ABI2: variants seen among roughly 807,000 people sequenced by gnomAD.
ABI2 encodes abelson interactor 2.
ABI2 carries 25 observed loss-of-function variants against 59.2 expected under a neutral mutation model. The observed-to-expected ratio is 0.42, with a 90% CI of 0.31 to 0.59. The LOEUF (loss-of-function observed/expected upper bound fraction) is 0.59, where lower values mean the gene tolerates loss of function less well. Ranked by LOEUF, ABI2 falls within the 20% of genes least tolerant of loss-of-function variation. The pLI, the probability that ABI2 is intolerant of heterozygous loss-of-function variation, is 0.14. For synonymous variants in ABI2, 213 were observed against 235.5 expected (o/e 0.90, Z 0.87); for missense variants, 545 against 681.8 (o/e 0.80, Z 2.23).
intron 4 of ABI2, among the ~76,000 whole-genome samples, chr2:203,387,043 G>A (rs2096554965): frequency 7.1e-6 from 1 of 141,776 alleles, no homozygotes; most frequent in Non-Finnish European, 1.5e-5. Context: ...TTTTTTCCCC[G>A]CAGGCTCCCT....
At chr2:203,360,464 A>G (rs2093328516) in intron 1 of ABI2, among the ~76,000 whole-genome samples, 1 of 152,076 alleles carries the variant, frequency 6.6e-6, no homozygotes, top group South Asian at 2.1e-4. Context: ...AAGGGAAACA[A>G]ATTTGGTGGT....
chr2:203,377,361 G>A (rs1368492822), intron 2 of ABI2, among the ~76,000 whole-genome samples: 1 of 152,060 alleles, frequency 6.6e-6, no homozygotes, highest in Non-Finnish European at 1.5e-5. Context: ...GAAGCTATAA[G>A]CTTGTAATTC....
intron 1 of ABI2, among the ~76,000 whole-genome samples, chr2:203,359,925 G>C (rs1230091870): frequency 6.6e-6 from 1 of 152,124 alleles, no homozygotes; most frequent in African/African-American, 2.4e-5. Context: ...GGTGGTTCAT[G>C]CCTGTAATCC....
chr2:203,345,798 G>A (rs992844156), intron 1 of ABI2, among the ~76,000 whole-genome samples: 9 of 151,770 alleles, frequency 5.9e-5, no homozygotes, highest in Admixed American at 3.9e-4. Flanking sequence ...CACTGGCCTC[G>A]GCCTCCCAGA....
chr2:203,382,746 A>G (rs1443289328), intron 4 of ABI2, among the ~76,000 whole-genome samples: 1 of 151,482 alleles, frequency 6.6e-6, no homozygotes, highest in Non-Finnish European at 1.5e-5. Flanking sequence ...ATTCAGTGAC[A>G]CGGGTTTTTT....
At chr2:203,361,750 G>A (rs772762608) in intron 1 of ABI2, among the ~76,000 whole-genome samples, 5 of 152,064 alleles carry the variant, frequency 3.3e-5, no homozygotes, top group East Asian at 1.9e-4. Flanking sequence ...AATTTAAAAG[G>A]GCCATTAACA....
chr2:203,384,163 A>C (rs1295233040), intron 4 of ABI2, among the ~76,000 whole-genome samples: 1 of 152,230 alleles, frequency 6.6e-6, no homozygotes, highest in African/African-American at 2.4e-5. Flanking sequence ...ATAGTTTTAT[A>C]GCAAAGGACG....
At chr2:203,338,965 T>TATATATATATATAA (rs2078079867) in intron 1 of ABI2, among the ~76,000 whole-genome samples, 3 of 9,494 alleles carry the variant, frequency 3.2e-4, no homozygotes, top group African/African-American at 8.1e-4. Flanking sequence ...TATATATAAA[T>TATATATATATATAA]ATATATATAT....
chr2:203,338,061 T>C (rs2077268384), intron 1 of ABI2, among the ~76,000 whole-genome samples: 1 of 152,178 alleles, frequency 6.6e-6, no homozygotes, highest in Non-Finnish European at 1.5e-5. Context: ...AACAGTGTGT[T>C]ACTGGCATAA....
At chr2:203,344,540 TTTG>T (rs751012351) in intron 1 of ABI2, among the ~76,000 whole-genome samples, 154 of 142,998 alleles carry the variant, frequency 1.1e-3, no homozygotes, top group African/African-American at 3.2e-3. Flanking sequence ...TAATTTTTGC[TTTG>T]TTGTTGTTGT....
At chr2:203,339,141 A>T (rs1285077397) in intron 1 of ABI2, among the ~76,000 whole-genome samples, 1 of 151,010 alleles carries the variant, frequency 6.6e-6, no homozygotes, top group Non-Finnish European at 1.5e-5. Context: ...ACTAATCATT[A>T]GGGAAATGCA....
At chr2:203,395,446 T>TACACAC (rs774200941) in intron 6 of ABI2, among the ~76,000 whole-genome samples, 23 of 85,360 alleles carry the variant, frequency 2.7e-4, no homozygotes, top group Non-Finnish European at 3.7e-4. Context: ...TATATATATA[T>TACACAC]ATACACACAC....
intron 1 of ABI2, among the ~76,000 whole-genome samples, chr2:203,336,941 T>C (rs771116747): frequency 6.6e-6 from 1 of 152,170 alleles, no homozygotes; most frequent in Non-Finnish European, 1.5e-5. Flanking sequence ...TTCATCTTTG[T>C]CAGCATTTGG....
intron 1 of ABI2, among the ~76,000 whole-genome samples, chr2:203,358,830 C>T (rs975215999): frequency 6.6e-6 from 1 of 152,050 alleles, no homozygotes; most frequent in Non-Finnish European, 1.5e-5. Flanking sequence ...ACTAACATGG[C>T]GAAACCCAAT....
rs905580926 is a variant in ABI2, at chr2:203,400,549, C to T, written c.1034-2027C>T. 7.9e-5 allele frequency among the ~76,000 whole-genome samples: 12 copies of T among 152,130 alleles called. No individual in the cohort carries two copies. In the East Asian group the frequency reaches 2.1e-3, roughly 27 times the overall value. ...AAATAACTAAATATGCCTTTTAAAT[C>T]ATAGTTTATATGTTTTCATTTTTAT... On this transcript the variant is annotated intron_variant, in intron 8 of 11. Coordinates refer to ENST00000261018, the MANE Select transcript of ABI2 (RefSeq NM_001375670.1).
Position 203,429,014 on chromosome 2 carries a change from A to G in ABI2, c.*1662A>G, listed in dbSNP as rs1218886698. The G allele has an allele frequency of 6.6e-6, 1 of 152,218 alleles. No homozygotes were observed. The highest frequency in any genetic ancestry group is 2.4e-5 in the African/African-American group (1 of 41,462). 9.4% of individuals were successfully genotyped at this position (152,218 alleles called of 1,614,324 possible). On this transcript the variant is annotated 3_prime_UTR_variant, in exon 12 of 12. Coordinates refer to ENST00000261018, the MANE Select transcript of ABI2 (RefSeq NM_001375670.1). ...GATGCAGAAGTTAATATTCCACTTA[A>G]TGTTATCTGAGCATTAAAAATCATC...
rs2069977741 is a variant in ABI2, at chr2:203,328,469, C to T, written c.-46C>T. 6.8e-7 allele frequency: 1 copy of T among 1,481,198 alleles called. No homozygotes were observed. Among genetic ancestry groups the T allele is most frequent in the Non-Finnish European group, 9.2e-7 (1 of 1,085,918 alleles). 91.8% of individuals were successfully genotyped at this position (1,481,198 alleles called of 1,614,324 possible). On this transcript the variant is annotated 5_prime_UTR_variant, in exon 1 of 12. Transcript: ENST00000261018. ...GGTTTCCTTGGCGCTGCGGCCGCCGCTCCCTCTGCGACCTGTATGAGGAGG... is the reference window on the plus strand; with the variant it reads ...GGTTTCCTTGGCGCTGCGGCCGCCGTTCCCTCTGCGACCTGTATGAGGAGG...
Position 203,384,306 on chromosome 2 carries a change from T to TTTTGTTTTTG in ABI2, c.480+2103_480+2104insGTTTTTGTTT, listed in dbSNP as rs1559289521. Among the ~76,000 whole-genome samples, 22 of 138,448 alleles carry TTTTGTTTTTG rather than the reference T, an allele frequency of 1.6e-4. 2 individuals are homozygous for TTTTGTTTTTG. The East Asian group carries it at 2.6e-3, about 17-fold the overall frequency. The allele number at this position is 138,448 out of a possible 152,430, so 90.8% of individuals were successfully genotyped here. A position where few individuals can be genotyped will look rare whatever the true frequency, so the allele number is the denominator to read the frequency against. On this transcript the variant is annotated intron_variant, in intron 4 of 11. Transcript: ENST00000261018. The stretch of plus-strand genomic sequence containing the variant: ...TTTGTTTTTGTTTTTTTTTTTTTTT[T>TTTTGTTTTTG]TTTTTTTTTTTTTTTTTTGAGACAG...
intron 5 of ABI2, among the ~76,000 whole-genome samples, chr2:203,392,933 C>G (rs1327883366): frequency 6.6e-6 from 1 of 151,286 alleles, no homozygotes; most frequent in Non-Finnish European, 1.5e-5. Flanking sequence ...TCCACATAGT[C>G]TTTGCCTAGT....
Sources: gnomAD v4.1 joint callset for allele counts (sites outside exome capture counted in the v4.1 genomes callset) on GRCh38, gnomAD v4.1.1 for gene constraint, MANE v1.5 for transcripts, NCBI Gene and HGNC (gene_info 2026-07-23, HGNC 2026-07-21) for gene names.